MDGA2: variants seen among roughly 807,000 people sequenced by gnomAD.
MDGA2 encodes the protein MAM domain containing glycosylphosphatidylinositol anchor 2.
A neutral mutation model predicts 117.8 loss-of-function variants in MDGA2; 40 were observed. That is an observed-to-expected ratio of 0.34 (90% CI 0.26 to 0.44). The LOEUF (loss-of-function observed/expected upper bound fraction) is 0.44. Among genes scored for constraint, MDGA2 ranks in the 20% least tolerant of loss-of-function variants. The probability of loss-of-function intolerance (pLI) is 1.00; values close to 1 mark genes in which losing one functional copy is unlikely to be tolerated. For synonymous variants in MDGA2, 452 were observed against 439.0 expected (o/e 1.03, Z -0.37); for missense variants, 1,123 against 1,250.6 (o/e 0.90, Z 1.54).
chr14:47,547,500 C>T (rs10483565), intron 1 of MDGA2, among the ~76,000 whole-genome samples: 38,148 of 151,950 alleles, frequency 0.25, 5,564 homozygotes, highest in South Asian at 0.53. Context: ...TTGGTCTGAA[C>T]GGAATACAAA....
At chr14:47,650,178 T>C (rs1897612835) in intron 1 of MDGA2, among the ~76,000 whole-genome samples, 1 of 152,166 alleles carries the variant, frequency 6.6e-6, no homozygotes, top group Non-Finnish European at 1.5e-5. Context: ...TCATGTTTTT[T>C]CATGCTCTGG....
At chr14:46,850,663 T>C (rs1881021912) in intron 15 of MDGA2, among the ~76,000 whole-genome samples, 1 of 151,972 alleles carries the variant, frequency 6.6e-6, no homozygotes, top group South Asian at 2.1e-4. Context: ...ACAAAACAAA[T>C]TTGAAGAGAG....
chr14:47,300,687 C>T (rs145749960), intron 2 of MDGA2, among the ~76,000 whole-genome samples: 18 of 149,148 alleles, frequency 1.2e-4, no homozygotes, highest in African/African-American at 4.2e-4. Context: ...TTTGTAGAGA[C>T]ACAGTCTCCT....
chr14:46,935,805 A>G (rs2416008), intron 9 of MDGA2, among the ~76,000 whole-genome samples: 88,293 of 151,628 alleles, frequency 0.58, 25,890 homozygotes, highest in South Asian at 0.59. Flanking sequence ...TGTGGAATGC[A>G]GGGATCGGTA....
intron 1 of MDGA2, among the ~76,000 whole-genome samples, chr14:47,624,252 G>A (rs1897101207): frequency 6.6e-6 from 1 of 152,204 alleles, no homozygotes; most frequent in Admixed American, 6.5e-5. Flanking sequence ...GAGGTCAGGA[G>A]TTCAAGACCA....
At chr14:47,174,908 T>G (rs1884364867) in intron 3 of MDGA2, among the ~76,000 whole-genome samples, 1 of 151,722 alleles carries the variant, frequency 6.6e-6, no homozygotes, top group South Asian at 2.1e-4. Context: ...CTTGCAAGAC[T>G]AATAAAGAAA....
At chr14:47,631,312 C>T in intron 1 of MDGA2, among the ~76,000 whole-genome samples, 1 of 152,172 alleles carries the variant, frequency 6.6e-6, no homozygotes, top group East Asian at 1.9e-4. Context: ...CTATCCACAT[C>T]CCCTTCCTCT....
chr14:47,483,197 A>G (rs187658301), intron 1 of MDGA2, among the ~76,000 whole-genome samples: 1 of 152,186 alleles, frequency 6.6e-6, no homozygotes, highest in Admixed American at 6.5e-5. Context: ...AAAACATTTA[A>G]TATCTATTGT....
intron 1 of MDGA2, among the ~76,000 whole-genome samples, chr14:47,449,091 G>A: frequency 6.6e-6 from 1 of 152,086 alleles, no homozygotes; most frequent in East Asian, 1.9e-4. Context: ...TTTAAAATTA[G>A]ATGAACAGCC....
intron 16 of MDGA2, among the ~76,000 whole-genome samples, chr14:46,843,052 T>C (rs1880682341): frequency 2.0e-5 from 3 of 152,190 alleles, no homozygotes; most frequent in Admixed American, 1.3e-4. Context: ...CCCTAATTTA[T>C]AGAGTTTAAA....
At chr14:47,480,935 C>T (rs1284376809) in intron 1 of MDGA2, among the ~76,000 whole-genome samples, 2 of 151,948 alleles carry the variant, frequency 1.3e-5, no homozygotes, top group East Asian at 1.9e-4. Flanking sequence ...TAATAATTAC[C>T]TTGCTATTAT....
At chr14:47,472,249 G>A (rs1215825419) in intron 1 of MDGA2, among the ~76,000 whole-genome samples, 1 of 152,062 alleles carries the variant, frequency 6.6e-6, no homozygotes, top group Admixed American at 6.6e-5. Flanking sequence ...TAATGACAGG[G>A]ACACATTCTG....
At chr14:47,317,716 T>C (rs920314702) in intron 1 of MDGA2, among the ~76,000 whole-genome samples, 2 of 152,084 alleles carry the variant, frequency 1.3e-5, no homozygotes, top group East Asian at 3.9e-4. Context: ...ACTGTCCCTA[T>C]GCTGCTCTAG....
chr14:47,074,822 C>A lies in MDGA2; in HGVS notation c.1196-13244G>T, dbSNP rs372225024. ...TTGCTTTTACATCCATAGTCTGTAT[C>A]TCAGCACAGGTCCCACTTTAGTAAA... On this transcript the variant is annotated intron_variant, in intron 6 of 16. Coordinates refer to ENST00000399232, the MANE Select transcript of MDGA2 (RefSeq NM_001113498.3). Among the ~76,000 whole-genome samples the A allele has an allele frequency of 3.9e-5, 6 of 152,186 alleles. No homozygotes were observed. In the East Asian group the frequency reaches 7.7e-4, roughly 20 times the overall value.
At chr14:47,652,351 A>G (rs1256113256) in intron 1 of MDGA2, among the ~76,000 whole-genome samples, 1 of 152,204 alleles carries the variant, frequency 6.6e-6, no homozygotes, top group Non-Finnish European at 1.5e-5. Flanking sequence ...AAAGTTTTAT[A>G]TAGACATTAT....
chr14:47,376,640 G>A lies in MDGA2; in HGVS notation c.281-75090C>T, dbSNP rs542827236. ...TCAACCCCTTTGATTTTGAGTTATC[G>A]TTCTTACTCTCCATTTTCCTGTCTT... On this transcript the variant is annotated intron_variant, in intron 1 of 16. Transcript: ENST00000399232. 2.6e-5 allele frequency among the ~76,000 whole-genome samples: 4 copies of A among 152,124 alleles called. No homozygotes were observed. In the East Asian group the frequency reaches 7.7e-4, roughly 29 times the overall value.
intron 2 of MDGA2, among the ~76,000 whole-genome samples, chr14:47,260,351 G>T (rs1947988696): frequency 6.6e-6 from 1 of 151,834 alleles, no homozygotes; most frequent in Admixed American, 6.6e-5. Context: ...CATATATTTT[G>T]GGGAAAAAAG....
chr14:47,394,893 C>T (rs1211489008), intron 1 of MDGA2, among the ~76,000 whole-genome samples: 1 of 152,108 alleles, frequency 6.6e-6, no homozygotes, highest in African/African-American at 2.4e-5. Context: ...TGACTCATCC[C>T]TGTAATCCCA....
chr14:47,421,578 T>C (rs1892580469), intron 1 of MDGA2, among the ~76,000 whole-genome samples: 1 of 152,178 alleles, frequency 6.6e-6, no homozygotes, highest in Non-Finnish European at 1.5e-5. Context: ...CCATACTGTG[T>C]TGATATTCAG....
Sources: allele counts gnomAD v4.1 joint callset (sites outside exome capture counted in the v4.1 genomes callset), GRCh38; gene constraint gnomAD v4.1.1; transcripts MANE v1.5; gene names NCBI Gene and HGNC (gene_info 2026-07-23, HGNC 2026-07-21).